Variants in CATSPERD observed in about 807,000 individuals in gnomAD.
The protein encoded by CATSPERD is catsper channel auxiliary subunit delta, also known as cation channel sperm-associated auxiliary subunit delta.
CATSPERD carries 86 observed loss-of-function variants against 98.1 expected under a neutral mutation model. The observed-to-expected ratio is 0.88, with a 90% CI of 0.74 to 1.05. The LOEUF is 1.05. CATSPERD is among the 50% of genes least tolerant of loss of function. The pLI is 0.00. For missense variants in CATSPERD, 995 were observed against 1,005.7 expected (o/e 0.99, Z 0.14); for synonymous variants, 394 against 390.2 (o/e 1.01, Z -0.12).
At chr19:5,723,164 G>A (rs571179939) in intron 1 of CATSPERD, among the ~76,000 whole-genome samples, 180 of 145,840 alleles carry the variant, frequency 1.2e-3, no homozygotes, top group African/African-American at 4.4e-3. Context: ...TCCAGCCTGG[G>A]CGACGGAGCG....
At chr19:5,749,556 A>AAAC (rs940098926) in intron 11 of CATSPERD, among the ~76,000 whole-genome samples, 2 of 152,100 alleles carry the variant, frequency 1.3e-5, no homozygotes, top group African/African-American at 2.4e-5. Flanking sequence ...CTAGTTAGTA[A>AAAC]AACAACAACA....
At chr19:5,731,330 A>AGTGTGGTG (rs75274876) in intron 4 of CATSPERD, among the ~76,000 whole-genome samples, 4 of 150,418 alleles carry the variant, frequency 2.7e-5, no homozygotes, top group East Asian at 2.0e-4. Flanking sequence ...AAATTAGCCG[A>AGTGTGGTG]GTGTGGTGGT....
At chr19:5,772,394 A>AT (rs1394272386) in intron 19 of CATSPERD, 7 of 252,066 alleles carry the variant, frequency 2.8e-5, no homozygotes, top group South Asian at 1.0e-4. Context: ...CGCCCGGCTA[A>AT]TTTTTTTTAT....
intron 4 of CATSPERD, among the ~76,000 whole-genome samples, chr19:5,732,408 TG>T (rs1206248691): frequency 5.3e-5 from 8 of 152,046 alleles, no homozygotes; most frequent in African/African-American, 7.2e-5. Flanking sequence ...CAACTATTGC[TG>T]GCATACATGG....
chr19:5,756,217 G>T lies in CATSPERD; in HGVS notation c.1279-1626G>T, dbSNP rs1056606885. 4.6e-5 allele frequency among the ~76,000 whole-genome samples: 7 copies of T among 151,710 alleles called. No homozygotes were observed. In the South Asian group the frequency reaches 6.2e-4, roughly 13 times the overall value. On this transcript the variant is annotated intron_variant, in intron 13 of 21. Transcript: ENST00000381624. ...AATCACTTGAATCTGGGAGGTGGAGGTTGCAGTGAGCTGAGACCATGCCAC... is the reference window on the plus strand; with the variant it reads ...AATCACTTGAATCTGGGAGGTGGAGTTTGCAGTGAGCTGAGACCATGCCAC...
At chr19:5,769,713 C>T (rs184557566) in intron 18 of CATSPERD, among the ~76,000 whole-genome samples, 31 of 152,128 alleles carry the variant, frequency 2.0e-4, no homozygotes, top group Non-Finnish European at 4.0e-4. Flanking sequence ...GCGGAGGACA[C>T]AGAGGGGAGT....
At chr19:5,772,666 G>T in intron 19 of CATSPERD, 122 bp from the exon 20 acceptor site, 3 of 971,888 alleles carry the variant, frequency 3.1e-6, no homozygotes, top group Non-Finnish European at 3.1e-6. Context: ...GGCGTCCTTT[G>T]GTTTCCTCTC....
chr19:5,744,061 C>A (rs2056048699), intron 7 of CATSPERD, among the ~76,000 whole-genome samples: 1 of 152,128 alleles, frequency 6.6e-6, no homozygotes. Context: ...CTCACTGCAA[C>A]CTCTGCCTCC....
chr19:5,762,016 G>GCATGACCCAC (rs1421689468), intron 15 of CATSPERD, among the ~76,000 whole-genome samples: 3 of 127,408 alleles, frequency 2.4e-5, no homozygotes, highest in South Asian at 2.6e-4. Flanking sequence ...GGGATTACAG[G>GCATGACCCAC]TGAGAGCCAC....
At chr19:5,742,209 CATGTGTGT>C (rs2055994384) in intron 7 of CATSPERD, among the ~76,000 whole-genome samples, 1 of 47,758 alleles carries the variant, frequency 2.1e-5, no homozygotes, top group Non-Finnish European at 5.6e-5. Context: ...TACATGTGTG[CATGTGTGT>C]ACATGTGTGT....
rs2056521758 is a variant in CATSPERD, at chr19:5,765,515, CAT to C, written c.1507-586_1507-585del. ...TGTGTACCAGGGATCATGCTGGGCT[CAT>C]AAATTAGTTCTGGGCCTGGCATGGT... On this transcript the variant is annotated intron_variant, in intron 16 of 21. Transcript: ENST00000381624. Among the ~76,000 whole-genome samples the C allele has an allele frequency of 2.6e-5, 4 of 152,114 alleles. No individual in the cohort carries two copies. The South Asian group carries it at 8.3e-4, about 32-fold the overall frequency.
rs372483958 is a variant in CATSPERD at position 5,749,155 on chromosome 19, T to G, written c.959T>G (p.Leu320Arg). ...GAGGATAATTTGTATTATGGCAATC[T>G]GGGCATCGTGCCAAGTTCCATAATC... ...TREDNLYYGNLGIVPSSIIKF... is the reference protein window; with the variant it reads ...TREDNLYYGNRGIVPSSIIKF... Residue 320 changes from leucine to arginine, a missense_variant, in exon 11 of 22, where the codon CTG becomes CGG. Leu to Arg is a moderately radical substitution (Grantham distance 102). Transcript: ENST00000381624. 4.3e-6 allele frequency: 7 copies of G among 1,612,754 alleles called. No homozygotes were observed. Among genetic ancestry groups the G allele is most frequent in the Non-Finnish European group, 5.1e-6 (6 of 1,179,390 alleles).
At chr19:5,740,093 C>T (rs1385394953) in intron 7 of CATSPERD, among the ~76,000 whole-genome samples, 1 of 151,740 alleles carries the variant, frequency 6.6e-6, no homozygotes, top group Non-Finnish European at 1.5e-5. Context: ...ACCAGCCTGA[C>T]TAACATGGAG....
At chr19:5,762,617 G>A (rs1038192723) in intron 15 of CATSPERD, among the ~76,000 whole-genome samples, 1 of 151,550 alleles carries the variant, frequency 6.6e-6, no homozygotes, top group Non-Finnish European at 1.5e-5. Flanking sequence ...GGATGGGTGG[G>A]TGGATGGATG....
intron 1 of CATSPERD, among the ~76,000 whole-genome samples, chr19:5,723,163 G>A (rs1026188063): frequency 6.7e-6 from 1 of 148,238 alleles, no homozygotes; most frequent in African/African-American, 2.5e-5. Flanking sequence ...CTCCAGCCTG[G>A]GCGACGGAGC....
At chr19:5,762,058 A>ATATATATATATATATATTTTTTT in intron 15 of CATSPERD, among the ~76,000 whole-genome samples, 12 of 10,428 alleles carry the variant, frequency 1.2e-3, no homozygotes, top group Non-Finnish European at 2.0e-3. Context: ...ATATATATAT[A>ATATATATATATATATATTTTTTT]TTTTTTTTTT....
intron 13 of CATSPERD, among the ~76,000 whole-genome samples, chr19:5,755,831 G>A (rs1017923958): frequency 3.3e-5 from 5 of 151,828 alleles, no homozygotes; most frequent in African/African-American, 1.2e-4. Flanking sequence ...TTAGCCAGGT[G>A]TAGTGGCATG....
Position 5,737,153 on chromosome 19 carries a change from T to G in CATSPERD, c.407T>G (p.Val136Gly). The change falls in exon 6 of 22, where the codon GTT becomes GGT. Residue 136 changes from valine (V) to glycine (G), a missense_variant. Coordinates refer to ENST00000381624, the MANE Select transcript of CATSPERD (RefSeq NM_152784.4). ...WSMSLGIKHP[V>G]THVSGDNCCY... ...TTCCTTTCAGGTATAAAACACCCTG[T>G]TACACATGTCTCTGGTGATAATTGT... is the stretch of plus-strand genomic sequence containing the variant. The G allele has an allele frequency of 6.2e-7, 1 of 1,607,410 alleles. No homozygotes were observed. The highest frequency in any genetic ancestry group is 1.1e-5 in the South Asian group (1 of 90,950).
intron 1 of CATSPERD, among the ~76,000 whole-genome samples, chr19:5,724,331 G>T (rs1246510765): frequency 1.3e-5 from 2 of 151,884 alleles, no homozygotes; most frequent in African/African-American, 4.8e-5. Flanking sequence ...CCAAAGTGCT[G>T]GGATTAAAGA....
Sources: allele counts gnomAD v4.1 joint callset (sites outside exome capture counted in the v4.1 genomes callset), GRCh38; gene constraint gnomAD v4.1.1; transcripts MANE v1.5; gene names NCBI Gene and HGNC (gene_info 2026-07-23, HGNC 2026-07-21).